Variants in SLC25A21 observed in about 807,000 individuals in gnomAD.
The protein encoded by SLC25A21 is solute carrier family 25 member 21.
SLC25A21 carries 47 observed loss-of-function variants against 43.8 expected under a neutral mutation model. The observed-to-expected ratio is 1.07, with a 90% CI of 0.85 to 1.37. SLC25A21 has a LOEUF of 1.37. Ranked by LOEUF, SLC25A21 falls within the 40% of genes most tolerant of loss-of-function variation. SLC25A21 has a pLI of 0.00. For missense variants in SLC25A21, 352 were observed against 350.2 expected (o/e 1.00, Z -0.04); for synonymous variants, 131 against 121.3 (o/e 1.08, Z -0.52).
intron 1 of SLC25A21, among the ~76,000 whole-genome samples, chr14:36,999,958 T>C (rs1425433282): frequency 1.3e-5 from 2 of 152,214 alleles, no homozygotes; most frequent in South Asian, 4.1e-4. Context: ...ACTCCAAAAG[T>C]CTAGAACAAT....
At chr14:37,161,926 G>A (rs1232986155) in intron 1 of SLC25A21, among the ~76,000 whole-genome samples, 1 of 125,890 alleles carries the variant, frequency 7.9e-6, no homozygotes, top group Non-Finnish European at 1.6e-5. Context: ...TCGCCTCAAT[G>A]CACTCCGGCC....
chr14:37,012,810 C>T (rs1464139374), intron 1 of SLC25A21, among the ~76,000 whole-genome samples: 1 of 152,096 alleles, frequency 6.6e-6, no homozygotes, highest in Non-Finnish European at 1.5e-5. Flanking sequence ...TTAGAAGAAT[C>T]ACCACAAAGA....
At position 36,725,630 on chromosome 14, in the gene SLC25A21, T is replaced by C. The variant is rs1884571736; in HGVS notation, c.378A>G (p.Val126=). Residue 126 remains valine (V), a synonymous_variant, in exon 6 of 10, where the codon GTA becomes GTG. Coordinates refer to ENST00000331299, the MANE Select transcript of SLC25A21 (RefSeq NM_030631.4). ...CTTTTACTACCTCAAAAGGGTTAACTACAATGGCTTCTGTTAGTCCAGATC... is the reference window on the plus strand; with the variant it reads ...CTTTTACTACCTCAAAAGGGTTAACCACAATGGCTTCTGTTAGTCCAGATC... The part of the protein sequence containing the change: ...GLGSGLTEAI[V]VNPFEVVKVG... 2 of 1,602,640 alleles carry C rather than the reference T, an allele frequency of 1.2e-6. No individual in the cohort carries two copies. Among genetic ancestry groups the C allele is most frequent in the Non-Finnish European group, 8.5e-7 (1 of 1,174,716 alleles).
intron 1 of SLC25A21, among the ~76,000 whole-genome samples, chr14:36,996,372 G>A (rs974753144): frequency 2.6e-5 from 4 of 152,110 alleles, no homozygotes; most frequent in Admixed American, 2.0e-4. Flanking sequence ...TATGGTAACA[G>A]AATAATACAG....
chr14:37,103,469 T>C (rs1962855539), intron 1 of SLC25A21, among the ~76,000 whole-genome samples: 1 of 152,224 alleles, frequency 6.6e-6, no homozygotes, highest in African/African-American at 2.4e-5. Context: ...CTTTGAGCTT[T>C]GTATAAATGT....
rs563627884 is a variant in SLC25A21 at position 36,786,226 on chromosome 14, G to A, written c.203+27692C>T. ...GTGAAGATCACATAATGTAATGTGT[G>A]TAAAGGACCCTGCACCAGAGTAGGC... is the stretch of plus-strand genomic sequence containing the variant. On this transcript the variant is annotated intron_variant, in intron 3 of 9. Transcript: ENST00000331299. Among the ~76,000 whole-genome samples the A allele has an allele frequency of 2.0e-5, 3 of 152,288 alleles. No individual in the cohort carries two copies. In the East Asian group the frequency reaches 5.8e-4, roughly 29 times the overall value.
intron 3 of SLC25A21, among the ~76,000 whole-genome samples, chr14:36,793,513 C>T (rs58864562): frequency 1.2e-3 from 179 of 146,116 alleles, no homozygotes; most frequent in African/African-American, 4.5e-3. Flanking sequence ...CTCCCCTCTG[C>T]TCCTCCCAGA....
intron 1 of SLC25A21, among the ~76,000 whole-genome samples, chr14:36,979,329 TTGG>T (rs1566787749): frequency 6.6e-6 from 1 of 150,616 alleles, no homozygotes; most frequent in African/African-American, 2.5e-5. Context: ...TAGTGTTTTT[TTGG>T]TTTTTTTTTT....
intron 2 of SLC25A21, among the ~76,000 whole-genome samples, chr14:36,822,124 A>G (rs1412025181): frequency 6.6e-6 from 1 of 152,196 alleles, no homozygotes. Context: ...AACAAGGTAG[A>G]ATATGCATGT....
intron 1 of SLC25A21, among the ~76,000 whole-genome samples, chr14:36,977,322 G>A (rs1444988597): frequency 6.6e-6 from 1 of 152,138 alleles, no homozygotes; most frequent in Non-Finnish European, 1.5e-5. Flanking sequence ...ATTGACCAGA[G>A]AGGAGGACTC....
intron 1 of SLC25A21, among the ~76,000 whole-genome samples, chr14:37,053,924 A>T (rs1221424852): frequency 6.6e-6 from 1 of 152,198 alleles, no homozygotes; most frequent in Non-Finnish European, 1.5e-5. Flanking sequence ...ATACTTTTTT[A>T]AAAACTGGTT....
intron 1 of SLC25A21, among the ~76,000 whole-genome samples, chr14:37,137,280 A>C (rs1273199444): frequency 1.3e-5 from 2 of 152,172 alleles, no homozygotes; most frequent in African/African-American, 4.8e-5. Flanking sequence ...TACAGGCGTG[A>C]GCCACCGCGC....
At chr14:36,763,105 A>T (rs1213973828) in intron 3 of SLC25A21, among the ~76,000 whole-genome samples, 1 of 152,212 alleles carries the variant, frequency 6.6e-6, no homozygotes, top group Admixed American at 6.5e-5. Flanking sequence ...TCAAAAAGTA[A>T]GAGTTGTTTT....
intron 6 of SLC25A21, among the ~76,000 whole-genome samples, chr14:36,716,936 C>T (rs976559139): frequency 1.3e-5 from 2 of 152,156 alleles, no homozygotes; most frequent in African/African-American, 2.4e-5. Context: ...GAAAGGTGAA[C>T]GGGTTGCATT....
chr14:37,090,762 G>C (rs1189772399), intron 1 of SLC25A21, among the ~76,000 whole-genome samples: 1 of 152,074 alleles, frequency 6.6e-6, no homozygotes, highest in Non-Finnish European at 1.5e-5. Flanking sequence ...ACCTCTGTGG[G>C]TAAAGCCCCG....
rs116044367 is a variant in SLC25A21 at position 36,692,719 on chromosome 14, G to A, written c.604-7794C>T. On this transcript the variant is annotated intron_variant, in intron 7 of 9. Coordinates refer to ENST00000331299, the MANE Select transcript of SLC25A21 (RefSeq NM_030631.4). ...GCCAGTGAGGAGTGGGGGTGATGAG[G>A]GACACAGGGCAGGAAGCCTGCTTCT... Among the ~76,000 whole-genome samples the A allele has an allele frequency of 4.7e-3, 713 of 152,264 alleles. 7 individuals are homozygous for A. Among genetic ancestry groups the A allele is most frequent in the African/African-American group, 0.016 (674 of 41,548 alleles).
intron 1 of SLC25A21, among the ~76,000 whole-genome samples, chr14:37,134,856 A>G (rs10133487): frequency 0.012 from 1,857 of 151,600 alleles, 35 homozygotes; most frequent in African/African-American, 0.043. Context: ...ACTTTGGGAA[A>G]CCCCAGCAAA....
chr14:36,817,849 G>T (rs1200864612), intron 2 of SLC25A21, among the ~76,000 whole-genome samples: 1 of 152,178 alleles, frequency 6.6e-6, no homozygotes, highest in Non-Finnish European at 1.5e-5. Flanking sequence ...CTGACAGCTT[G>T]TGCAAACGTG....
chr14:36,735,688 T>C (rs1232054021), intron 3 of SLC25A21, among the ~76,000 whole-genome samples: 3 of 152,140 alleles, frequency 2.0e-5, no homozygotes, highest in Admixed American at 6.5e-5. Context: ...ACACAGTACC[T>C]TTTGGTGAGG....
Sources: allele counts gnomAD v4.1 joint callset (sites outside exome capture counted in the v4.1 genomes callset), GRCh38; gene constraint gnomAD v4.1.1; transcripts MANE v1.5; gene names NCBI Gene and HGNC (gene_info 2026-07-23, HGNC 2026-07-21).